Variants in XXYLT1 observed in about 807,000 individuals in gnomAD.
XXYLT1 encodes xyloside xylosyltransferase 1, also known as UDP-xylose:alpha-xyloside alpha-1,3-xylosyltransferase.
A neutral mutation model predicts 28.9 loss-of-function variants in XXYLT1; 20 were observed. That is an observed-to-expected ratio of 0.69 (90% CI 0.49 to 1.00). The LOEUF (loss-of-function observed/expected upper bound fraction) is 1.00, where lower values mean the gene tolerates loss of function less well. Among genes scored for constraint, XXYLT1 ranks in the 50% least tolerant of loss-of-function variants. The pLI is 0.00. For missense variants in XXYLT1, 542 were observed against 560.1 expected (o/e 0.97, Z 0.33); for synonymous variants, 257 against 253.8 (o/e 1.01, Z -0.12).
intron 3 of XXYLT1, among the ~76,000 whole-genome samples, chr3:195,155,719 C>G (rs966361842): frequency 4.0e-5 from 6 of 150,748 alleles, no homozygotes; most frequent in South Asian, 2.1e-4. Flanking sequence ...TTCCCATTCT[C>G]CGCACCTGCA....
chr3:195,224,195 TCCCCTGAAGAA>T (rs1723950252), intron 2 of XXYLT1, among the ~76,000 whole-genome samples: 2 of 152,184 alleles, frequency 1.3e-5, no homozygotes, highest in Non-Finnish European at 1.5e-5. Context: ...ACATTATCAC[TCCCCTGAAGAA>T]CCCCTGAAAA....
intron 3 of XXYLT1, among the ~76,000 whole-genome samples, chr3:195,151,608 TTAGA>T (rs768756182): frequency 1.3e-3 from 193 of 152,038 alleles, no homozygotes; most frequent in Middle Eastern, 3.4e-3. Flanking sequence ...AAATAATTGT[TTAGA>T]TAAACAATAA....
At position 195,068,979 on chromosome 3, in the gene XXYLT1, G is replaced by A. The variant is rs1010442978; in HGVS notation, c.*736C>T. ...CTTTGATGACGAATTTGCTTTCTGA[G>A]TAGAGTCTGGTCACCTGGAGCTGGT... On this transcript the variant is annotated 3_prime_UTR_variant, in exon 4 of 4. Coordinates refer to ENST00000310380, the MANE Select transcript of XXYLT1 (RefSeq NM_152531.5). 6.6e-6 allele frequency: 1 copy of A among 152,158 alleles called. No individual in the cohort carries two copies. The highest frequency in any genetic ancestry group is 1.5e-5 in the Non-Finnish European group (1 of 68,048). 9.4% of individuals were successfully genotyped at this position (152,158 alleles called of 1,614,324 possible). A position where few individuals can be genotyped will look rare whatever the true frequency, so the allele number is the denominator to read the frequency against.
intron 3 of XXYLT1, among the ~76,000 whole-genome samples, chr3:195,126,711 T>A (rs1311202506): frequency 6.6e-6 from 1 of 152,126 alleles, no homozygotes; most frequent in Non-Finnish European, 1.5e-5. Flanking sequence ...TTCAATTTGA[T>A]CCCAACACTC....
At chr3:195,141,145 T>C (rs767306899) in intron 3 of XXYLT1, among the ~76,000 whole-genome samples, 14 of 152,334 alleles carry the variant, frequency 9.2e-5, no homozygotes, top group Non-Finnish European at 1.9e-4. Flanking sequence ...TTCTGTTGTT[T>C]ATAAGCTACC....
At chr3:195,224,189 T>C (rs1723949876) in intron 2 of XXYLT1, among the ~76,000 whole-genome samples, 1 of 152,136 alleles carries the variant, frequency 6.6e-6, no homozygotes, top group South Asian at 2.1e-4. Flanking sequence ...GGAAGCACAT[T>C]ATCACTCCCC....
intron 2 of XXYLT1, 97 bp from the exon 3 acceptor site, chr3:195,156,678 TG>T: frequency 6.7e-7 from 1 of 1,484,910 alleles, no homozygotes; most frequent in Non-Finnish European, 9.1e-7. Context: ...AAAAGGGCAC[TG>T]GACTCTTACT....
At chr3:195,201,278 A>C (rs1451438681) in intron 2 of XXYLT1, among the ~76,000 whole-genome samples, 1 of 152,148 alleles carries the variant, frequency 6.6e-6, no homozygotes, top group Admixed American at 6.5e-5. Context: ...ATTTCCCTAG[A>C]GTGCATGTGA....
intron 2 of XXYLT1, among the ~76,000 whole-genome samples, chr3:195,219,213 C>T (rs1723712309): frequency 6.6e-6 from 1 of 151,584 alleles, no homozygotes; most frequent in African/African-American, 2.4e-5. Context: ...ATACCTAATG[C>T]TAGATGACGA....
chr3:195,252,863 G>A (rs1013198818), intron 1 of XXYLT1, among the ~76,000 whole-genome samples: 4 of 152,134 alleles, frequency 2.6e-5, no homozygotes, highest in Non-Finnish European at 5.9e-5. Context: ...CAATAAGCTG[G>A]AGACAGGGCA....
chr3:195,266,217 C>T lies in XXYLT1; in HGVS notation c.504+4338G>A, dbSNP rs73890750. 1.8e-3 allele frequency among the ~76,000 whole-genome samples: 267 copies of T among 152,144 alleles called. 1 individual carries two copies. The highest frequency in any genetic ancestry group is 6.2e-3 in the African/African-American group (257 of 41,516). On this transcript the variant is annotated intron_variant, in intron 1 of 3. Transcript: ENST00000310380. ...GATACAATAAAGGCAGCATTCTGGC[C>T]GGGTGCGGTGGCTCACGCCTGTAAT...
intron 3 of XXYLT1, among the ~76,000 whole-genome samples, chr3:195,113,442 T>G (rs903307): frequency 0.64 from 97,038 of 151,884 alleles, 31,968 homozygotes; most frequent in Middle Eastern, 0.72. Context: ...ACATCCCTGA[T>G]TAGGTAGTAC....
rs60677730 is a variant in XXYLT1 at position 195,210,383 on chromosome 3, T to G, written c.652+16326A>C. Among the ~76,000 whole-genome samples, 8 of 152,206 alleles carry G rather than the reference T, an allele frequency of 5.3e-5. No individual in the cohort carries two copies. Among genetic ancestry groups the G allele is most frequent in the Non-Finnish European group, 1.2e-4 (8 of 68,018 alleles). On this transcript the variant is annotated intron_variant, in intron 2 of 3. Transcript: ENST00000310380. This position sits in a 1 kb window ranked among gnomAD's most constrained non-coding sequence, Gnocchi z 4.8. ...GGGCAGGACTGCTGTCGTGCCCCAG[T>G]GCCCTGAACACAGTGGGCAGGAGGA...
In XXYLT1 at chr3:195,252,004, CA is replaced by C. The variant is rs372493020; in HGVS notation, c.504+18550del. On this transcript the variant is annotated intron_variant, in intron 1 of 3. Transcript: ENST00000310380. ...GCAAATGAGTAAACGGAGGTCCACC[CA>C]CAATAAAATACTACACAGCAATTAA... Among the ~76,000 whole-genome samples the C allele has an allele frequency of 3.9e-4, 59 of 152,260 alleles. No individual in the cohort carries two copies. In the East Asian group the frequency reaches 6.8e-3, roughly 17 times the overall value.
rs191965506 is a variant in XXYLT1, at chr3:195,142,301, T to C, written c.785+14148A>G. The stretch of plus-strand genomic sequence containing the variant: ...GAATGGTAACTATTTCTCATGATGT[T>C]TATCTTTACTTACTATGGTGGGCAG... On this transcript the variant is annotated intron_variant, in intron 3 of 3. Transcript: ENST00000310380. Among the ~76,000 whole-genome samples, 119 of 152,346 alleles carry C rather than the reference T, an allele frequency of 7.8e-4. 1 individual carries two copies. The highest frequency in any genetic ancestry group is 3.4e-3 in the Middle Eastern group (1 of 294).
intron 3 of XXYLT1, among the ~76,000 whole-genome samples, chr3:195,099,830 C>CAAAAAAAAAAAAAAAAAA (rs35428286): frequency 1.6e-4 from 16 of 97,226 alleles, no homozygotes; most frequent in African/African-American, 4.8e-4. Flanking sequence ...GACTCTGTCT[C>CAAAAAAAAAAAAAAAAAA]AAAAAAAAAA....
chr3:195,235,851 T>C (rs951037495), intron 1 of XXYLT1, among the ~76,000 whole-genome samples: 3 of 152,186 alleles, frequency 2.0e-5, no homozygotes, highest in Admixed American at 1.3e-4. Flanking sequence ...CTCTTCCCTA[T>C]CTCCCAGATG....
intron 3 of XXYLT1, among the ~76,000 whole-genome samples, chr3:195,112,497 C>A (rs1278611552): frequency 2.9e-5 from 1 of 34,634 alleles, no homozygotes; most frequent in African/African-American, 5.2e-5. Flanking sequence ...TGGACACATG[C>A]ACACACCCAC....
intron 1 of XXYLT1, among the ~76,000 whole-genome samples, chr3:195,235,327 G>A (rs1724489585): frequency 6.6e-6 from 1 of 152,090 alleles, no homozygotes; most frequent in African/African-American, 2.4e-5. Context: ...TAAGTCAATT[G>A]CATTTTTCAG....
Sources: allele counts gnomAD v4.1 joint callset (sites outside exome capture counted in the v4.1 genomes callset), GRCh38; gene constraint gnomAD v4.1.1; non-coding constraint Gnocchi (gnomAD v3.1); transcripts MANE v1.5; gene names NCBI Gene and HGNC (gene_info 2026-07-23, HGNC 2026-07-21).